Variants in TRPC6 observed in about 807,000 individuals in gnomAD.
TRPC6 encodes transient receptor potential cation channel subfamily C member 6, also known as short transient receptor potential channel 6.
In TRPC6, 55 loss-of-function variants were observed where a neutral mutation model predicts 90.7. That is an observed-to-expected ratio of 0.61 (90% CI 0.49 to 0.76). The LOEUF (loss-of-function observed/expected upper bound fraction) is 0.76. Among genes scored for constraint, TRPC6 ranks in the 30% least tolerant of loss-of-function variants. The probability of loss-of-function intolerance (pLI) is 0.00; values close to 1 mark genes in which losing one functional copy is unlikely to be tolerated. For missense variants in TRPC6, 989 were observed against 1,122.7 expected (o/e 0.88, Z 1.70); for synonymous variants, 393 against 393.0 (o/e 1.00, Z 0.00).
At chr11:101,551,869 C>A (rs185008221) in intron 1 of TRPC6, among the ~76,000 whole-genome samples, 1 of 152,074 alleles carries the variant, frequency 6.6e-6, no homozygotes, top group Non-Finnish European at 1.5e-5. Flanking sequence ...GATTTAGGTT[C>A]TCTAAGCTCA....
chr11:101,552,350 C>A (rs985017438), intron 1 of TRPC6, among the ~76,000 whole-genome samples: 5 of 152,072 alleles, frequency 3.3e-5, no homozygotes, highest in African/African-American at 7.2e-5. Flanking sequence ...AACATAATAA[C>A]AAAGCCACAT....
intron 1 of TRPC6, among the ~76,000 whole-genome samples, chr11:101,565,467 C>A (rs575755420): frequency 1.8e-4 from 27 of 152,076 alleles, no homozygotes; most frequent in African/African-American, 6.5e-4. Context: ...GGAAGAAAGT[C>A]AACATTAAGA....
intron 9 of TRPC6, 112 bp from the exon 10 acceptor site, chr11:101,469,613 C>T: frequency 1.6e-6 from 1 of 623,830 alleles, no homozygotes; most frequent in South Asian, 1.8e-5. Flanking sequence ...ATGAGAGAAA[C>T]ATATTCTTAC....
intron 4 of TRPC6, among the ~76,000 whole-genome samples, chr11:101,483,826 T>C (rs1859609445): frequency 6.6e-6 from 1 of 152,164 alleles, no homozygotes; most frequent in Non-Finnish European, 1.5e-5. Flanking sequence ...ATGAGCACAT[T>C]TCCTAAATTA....
intron 1 of TRPC6, among the ~76,000 whole-genome samples, chr11:101,558,582 G>A (rs1191883959): frequency 6.6e-6 from 1 of 151,572 alleles, no homozygotes; most frequent in African/African-American, 2.4e-5. Flanking sequence ...GTTTGGGACA[G>A]GGTCTTGCTC....
chr11:101,527,113 T>G (rs369130787), intron 1 of TRPC6, among the ~76,000 whole-genome samples: 1 of 152,084 alleles, frequency 6.6e-6, no homozygotes, highest in African/African-American at 2.4e-5. Flanking sequence ...GCTGGCAATA[T>G]GAACAATTTT....
intron 2 of TRPC6, among the ~76,000 whole-genome samples, chr11:101,496,349 TGGGGCTCTTCTGC>T (rs2136718253): frequency 6.6e-6 from 1 of 152,284 alleles, no homozygotes; most frequent in African/African-American, 2.4e-5. Flanking sequence ...AGTGTAACTC[TGGGGCTCTTCTGC>T]TCCTCAGGAT....
rs1426581126 is a variant in TRPC6, at chr11:101,583,603, T to C, written c.-100A>G. ...GGAGGGTTCGCGTCAGCGGCCGAAC[T>C]GGACCTGGGCAGACCGGTGCCCAGG... is the stretch of plus-strand genomic sequence containing the variant. On this transcript the variant is annotated 5_prime_UTR_variant, in exon 1 of 13. Transcript: ENST00000344327. 2 of 1,328,140 alleles carry C rather than the reference T, an allele frequency of 1.5e-6. No individual in the cohort carries two copies. Among genetic ancestry groups the C allele is most frequent in the East Asian group, 2.8e-5 (1 of 35,474 alleles). 82.3% of individuals were successfully genotyped at this position (1,328,140 alleles called of 1,614,324 possible).
chr11:101,491,956 T>A (rs563504795), intron 2 of TRPC6, among the ~76,000 whole-genome samples: 2 of 147,642 alleles, frequency 1.4e-5, no homozygotes, highest in African/African-American at 5.0e-5. Flanking sequence ...TTCTCCTGCC[T>A]CAGCCTCCCG....
intron 1 of TRPC6, among the ~76,000 whole-genome samples, chr11:101,552,814 G>A (rs1460506809): frequency 6.6e-6 from 1 of 152,002 alleles, no homozygotes; most frequent in Non-Finnish European, 1.5e-5. Context: ...TCTGGGTTCT[G>A]GTTAGTGTTT....
At chr11:101,569,054 A>C (rs1005177300) in intron 1 of TRPC6, among the ~76,000 whole-genome samples, 5 of 152,208 alleles carry the variant, frequency 3.3e-5, no homozygotes, top group African/African-American at 7.2e-5. Context: ...CAATTAAAAG[A>C]CACAGAATGG....
intron 5 of TRPC6, among the ~76,000 whole-genome samples, chr11:101,482,186 A>G (rs188051784): frequency 1.4e-3 from 212 of 152,328 alleles, no homozygotes; most frequent in African/African-American, 4.6e-3. Flanking sequence ...CCTGCCTCCC[A>G]GACTTAACTT....
chr11:101,538,853 G>C (rs974695779), intron 1 of TRPC6, among the ~76,000 whole-genome samples: 1 of 152,150 alleles, frequency 6.6e-6, no homozygotes, highest in Admixed American at 6.5e-5. Flanking sequence ...CAGACAGCAA[G>C]GAAACAGAGA....
At chr11:101,465,974 T>G (rs1382572375) in intron 10 of TRPC6, among the ~76,000 whole-genome samples, 1 of 152,230 alleles carries the variant, frequency 6.6e-6, no homozygotes, top group African/African-American at 2.4e-5. Context: ...GTTGGTGACC[T>G]CTGATGGGGT....
In TRPC6 at chr11:101,532,124, C is replaced by T. The variant is rs79744592; in HGVS notation, c.171-27326G>A. ...AGTTGAACCCAAGGGCACATGTATC[C>T]TGAAGCTAAGTAACTCAATCTTCAG... On this transcript the variant is annotated intron_variant, in intron 1 of 12. Coordinates refer to ENST00000344327, the MANE Select transcript of TRPC6 (RefSeq NM_004621.6). Among the ~76,000 whole-genome samples, 595 of 152,322 alleles carry T rather than the reference C, an allele frequency of 3.9e-3. 2 individuals are homozygous for T. The highest frequency in any genetic ancestry group is 0.013 in the African/African-American group (544 of 41,564).
intron 4 of TRPC6, among the ~76,000 whole-genome samples, chr11:101,485,142 C>A (rs1259843098): frequency 6.6e-6 from 1 of 151,880 alleles, no homozygotes; most frequent in Non-Finnish European, 1.5e-5. Flanking sequence ...CACACACACA[C>A]ACACACACAC....
At chr11:101,498,149 T>C (rs1859997742) in intron 2 of TRPC6, among the ~76,000 whole-genome samples, 1 of 152,156 alleles carries the variant, frequency 6.6e-6, no homozygotes, top group Admixed American at 6.5e-5. Flanking sequence ...AGCAAGAGTT[T>C]TTGCTGTCCT....
rs1862253249 is a variant in TRPC6 at position 101,583,528 on chromosome 11, G to A, written c.-25C>T. Reference sequence around the variant, plus strand: ...TGGCGGGAACGCCCGACTGGCCTGGGCCCCGCTCCCGGGGGAGCCGAGTGG... The same window carrying A: ...TGGCGGGAACGCCCGACTGGCCTGGACCCCGCTCCCGGGGGAGCCGAGTGG... On this transcript the variant is annotated 5_prime_UTR_variant, in exon 1 of 13. Transcript: ENST00000344327. 7 of 1,433,008 alleles carry A rather than the reference G, an allele frequency of 4.9e-6. No homozygotes were observed. The South Asian group carries it at 7.4e-5, about 15-fold the overall frequency. 88.8% of individuals were successfully genotyped at this position (1,433,008 alleles called of 1,614,324 possible).
chr11:101,502,748 C>T (rs1860160682), intron 2 of TRPC6, among the ~76,000 whole-genome samples: 1 of 152,078 alleles, frequency 6.6e-6, no homozygotes. Flanking sequence ...GGAAAAGCAC[C>T]TTCCTCTACC....
Sources: gnomAD v4.1 joint callset for allele counts (sites outside exome capture counted in the v4.1 genomes callset) on GRCh38, gnomAD v4.1.1 for gene constraint, MANE v1.5 for transcripts, NCBI Gene and HGNC (gene_info 2026-07-23, HGNC 2026-07-21) for gene names.